The following PALD1 variants were observed in gnomAD, a reference collection of about 807,000 sequenced individuals.
PALD1 encodes phosphatase domain containing paladin 1.
Under a neutral mutation model 96.0 loss-of-function variants are expected in PALD1, and 57 were observed. The observed-to-expected ratio is 0.59, with a 90% confidence interval of 0.48 to 0.74. PALD1 has a LOEUF of 0.74. Ranked by LOEUF, PALD1 falls within the 30% of genes least tolerant of loss-of-function variation. PALD1 has a pLI of 0.00. For missense variants in PALD1, 1,063 were observed against 1,143.7 expected (o/e 0.93, Z 1.02); for synonymous variants, 464 against 473.6 (o/e 0.98, Z 0.26).
intron 1 of PALD1, among the ~76,000 whole-genome samples, chr10:70,502,546 T>C (rs980262151): frequency 1.3e-5 from 2 of 152,162 alleles, no homozygotes; most frequent in Non-Finnish European, 2.9e-5. Context: ...ACTAGAAATA[T>C]CTTTCACATT....
At chr10:70,533,611 G>GAGT (rs1203425258) in intron 7 of PALD1, among the ~76,000 whole-genome samples, 1 of 152,170 alleles carries the variant, frequency 6.6e-6, no homozygotes, top group Non-Finnish European at 1.5e-5. Context: ...AGTCCTGGCG[G>GAGT]AGTTTCTCTC....
In PALD1 at chr10:70,555,219, C is replaced by T. The variant is rs151220487; in HGVS notation, c.2262+7773C>T. Among the ~76,000 whole-genome samples the T allele has an allele frequency of 3.2e-3, 481 of 151,192 alleles. 3 individuals carry two copies. Among genetic ancestry groups the T allele is most frequent in the South Asian group, 0.029 (135 of 4,710 alleles). On this transcript the variant is annotated intron_variant, in intron 18 of 19. Transcript: ENST00000263563. Reference sequence around the variant, plus strand: ...CAAACTCCTGGACTCAAGTGATCCACGAGCCTCGGCCTCCCACAGTGCTGG... The same window carrying T: ...CAAACTCCTGGACTCAAGTGATCCATGAGCCTCGGCCTCCCACAGTGCTGG...
At chr10:70,558,790 A>G (rs986374672) in intron 18 of PALD1, among the ~76,000 whole-genome samples, 1 of 152,200 alleles carries the variant, frequency 6.6e-6, no homozygotes, top group African/African-American at 2.4e-5. Context: ...TTTTAGAGAA[A>G]GTATGAAAAT....
intron 1 of PALD1, among the ~76,000 whole-genome samples, chr10:70,491,380 A>G (rs1349546107): frequency 2.0e-5 from 3 of 151,944 alleles, no homozygotes; most frequent in Non-Finnish European, 2.9e-5. Context: ...CCAGGCTGCC[A>G]TGGGCTATGG....
rs778748768 is a variant in PALD1 at position 70,539,612 on chromosome 10, C to T, written c.1758C>T (p.Ser586=). 4.0e-5 allele frequency: 65 copies of T among 1,612,418 alleles called. No homozygotes were observed. The highest frequency in any genetic ancestry group is 3.3e-4 in the East Asian group (15 of 44,836). ...AGGCCCAGCTGAAGGCCCATCTAAG[C>T]GAGCCTCCCCCAGGCAAGGAGGGCC... is the stretch of plus-strand genomic sequence containing the variant. ...TLEAQLKAHL[S]EPPPGKEGPL... is the part of the protein sequence containing the mutation. The change falls in exon 15 of 20, where the codon AGC becomes AGT. Residue 586 remains serine (S), a synonymous_variant. Coordinates refer to ENST00000263563, the MANE Select transcript of PALD1 (RefSeq NM_014431.3). This position sits in a 1 kb window ranked among gnomAD's most constrained non-coding sequence, Gnocchi z 4.5.
At chr10:70,507,398 G>A (rs982861292) in intron 1 of PALD1, among the ~76,000 whole-genome samples, 3 of 152,132 alleles carry the variant, frequency 2.0e-5, no homozygotes, top group African/African-American at 7.2e-5. Flanking sequence ...GGCTACAAGA[G>A]CGAAACTCTG....
At chr10:70,549,465 C>A (rs1029006026) in intron 18 of PALD1, among the ~76,000 whole-genome samples, 1 of 152,244 alleles carries the variant, frequency 6.6e-6, no homozygotes, top group Admixed American at 6.5e-5. Flanking sequence ...CCTCGATGTC[C>A]ACTGCGAGGC....
intron 1 of PALD1, among the ~76,000 whole-genome samples, chr10:70,521,272 T>A (rs930512478): frequency 2.0e-5 from 3 of 152,156 alleles, no homozygotes; most frequent in Admixed American, 6.5e-5. Flanking sequence ...GCTGCTAGGG[T>A]CAGCTCTAAA....
In PALD1 at chr10:70,538,427, C is replaced by A. The variant is rs759307538; in HGVS notation, c.1452+19C>A. On this transcript the variant is annotated intron_variant, in intron 12 of 19. Transcript: ENST00000263563. ...CTCCCTAGTGAGTATGACTGGCAGT[C>A]GGAGAAGTGGGCATGGCTGTGTACT... is the stretch of plus-strand genomic sequence containing the variant. 6.2e-7 allele frequency: 1 copy of A among 1,607,784 alleles called. No homozygotes were observed. The highest frequency in any genetic ancestry group is 1.3e-5 in the African/African-American group (1 of 74,856).
intron 1 of PALD1, among the ~76,000 whole-genome samples, chr10:70,482,838 G>T (rs1845956615): frequency 6.6e-6 from 1 of 152,136 alleles, no homozygotes; most frequent in Non-Finnish European, 1.5e-5. Flanking sequence ...ATCGCAGAGA[G>T]CCTCCGAGGC....
At chr10:70,495,014 T>C (rs139957989) in intron 1 of PALD1, among the ~76,000 whole-genome samples, 209 of 152,340 alleles carry the variant, frequency 1.4e-3, no homozygotes, top group African/African-American at 4.6e-3. Flanking sequence ...TAACCTGTCC[T>C]AAAGAAGTAA....
intron 1 of PALD1, among the ~76,000 whole-genome samples, chr10:70,505,371 G>C (rs1439447327): frequency 6.6e-6 from 1 of 152,156 alleles, no homozygotes; most frequent in South Asian, 2.1e-4. Flanking sequence ...CGAGGGAGGC[G>C]GATCACCTGA....
chr10:70,565,915 G>C (rs1564715445), intron 19 of PALD1, among the ~76,000 whole-genome samples: 1 of 152,208 alleles, frequency 6.6e-6, no homozygotes, highest in African/African-American at 2.4e-5. Context: ...GCTGGGGGAG[G>C]TCAAGAAAGG....
chr10:70,532,950 C>T, intron 6 of PALD1, 45 bp from the exon 7 acceptor site: 1 of 1,547,242 alleles, frequency 6.5e-7, no homozygotes, highest in Non-Finnish European at 8.8e-7. Flanking sequence ...AGGGGGATTC[C>T]CAGAGTGGGT....
At chr10:70,535,515 G>A (rs114218929) in intron 10 of PALD1, among the ~76,000 whole-genome samples, 1,273 of 108,326 alleles carry the variant, frequency 0.012, 17 homozygotes, top group African/African-American at 0.042. Flanking sequence ...CTCTTTCTCC[G>A]CCTCTTCCTC....
chr10:70,484,565 A>G (rs768226735), intron 1 of PALD1, among the ~76,000 whole-genome samples: 1 of 151,062 alleles, frequency 6.6e-6, no homozygotes, highest in Non-Finnish European at 1.5e-5. Flanking sequence ...TTTGAGACAG[A>G]GTCTCGGTCT....
intron 5 of PALD1, among the ~76,000 whole-genome samples, chr10:70,532,099 C>G (rs1305864703): frequency 6.6e-6 from 1 of 152,146 alleles, no homozygotes; most frequent in Non-Finnish European, 1.5e-5. Flanking sequence ...TGAGTCAGTT[C>G]CCTCAGTGGG....
At chr10:70,525,397 G>T (rs1347548580) in intron 1 of PALD1, among the ~76,000 whole-genome samples, 1 of 152,050 alleles carries the variant, frequency 6.6e-6, no homozygotes, top group Non-Finnish European at 1.5e-5. Flanking sequence ...CACCTAATCT[G>T]GACTTCCCTG....
At chr10:70,557,704 C>T (rs1847638820) in intron 18 of PALD1, among the ~76,000 whole-genome samples, 1 of 152,076 alleles carries the variant, frequency 6.6e-6, no homozygotes, top group African/African-American at 2.4e-5. Flanking sequence ...GGGTGGGCTG[C>T]CAGCCCTGGA....
Sources: allele counts gnomAD v4.1 joint callset (sites outside exome capture counted in the v4.1 genomes callset), GRCh38; gene constraint gnomAD v4.1.1; non-coding constraint Gnocchi (gnomAD v3.1); transcripts MANE v1.5; gene names NCBI Gene and HGNC (gene_info 2026-07-23, HGNC 2026-07-21).